The following BCAR3 variants were observed in gnomAD, a reference collection of about 807,000 sequenced individuals.
BCAR3 encodes the protein BCAR3 adaptor protein, NSP family member, also known as breast cancer anti-estrogen resistance protein 3.
Under a neutral mutation model 80.1 loss-of-function variants are expected in BCAR3, and 37 were observed. The observed-to-expected ratio is 0.46, with a 90% CI of 0.36 to 0.61. The LOEUF (loss-of-function observed/expected upper bound fraction) is 0.61, where lower values mean the gene tolerates loss of function less well. Ranked by LOEUF, BCAR3 falls within the 20% of genes least tolerant of loss-of-function variation. The pLI, the probability that BCAR3 is intolerant of heterozygous loss-of-function variation, is 0.00. For missense variants in BCAR3, 978 were observed against 1,068.2 expected (o/e 0.92, Z 1.18); for synonymous variants, 389 against 418.9 (o/e 0.93, Z 0.87).
Position 93,587,601 on chromosome 1 carries a change from C to T in BCAR3, c.929+1376G>A, listed in dbSNP as rs113382084. 8.9e-4 allele frequency among the ~76,000 whole-genome samples: 135 copies of T among 152,088 alleles called. 1 individual carries two copies. Among genetic ancestry groups the T allele is most frequent in the African/African-American group, 3.2e-3 (131 of 41,440 alleles). On this transcript the variant is annotated intron_variant, in intron 5 of 11. Coordinates refer to ENST00000260502, the MANE Select transcript of BCAR3 (RefSeq NM_003567.4). The stretch of plus-strand genomic sequence containing the variant: ...TGTGCCGGAGCCTCCAGGCAGCACA[C>T]AGCTGTCATTTACATTCCACACAGA...
chr1:93,567,508 A>G lies in BCAR3; in HGVS notation c.2087-17T>C, dbSNP rs112140253. ...ATGTGGACTCTGAAGAATAAGGAGT[A>G]GAGTTTTCCATATCACATGTTTTCC... On this transcript the variant is annotated splice_polypyrimidine_tract_variant and intron_variant, in intron 10 of 11. Transcript: ENST00000260502. 361 of 1,610,764 alleles carry G rather than the reference A, an allele frequency of 2.2e-4. No homozygotes were observed. The African/African-American group carries it at 4.4e-3, about 20-fold the overall frequency.
At chr1:93,649,663 T>TA (rs1053719353) in intron 2 of BCAR3, among the ~76,000 whole-genome samples, 1 of 151,586 alleles carries the variant, frequency 6.6e-6, no homozygotes, top group Admixed American at 6.6e-5. Context: ...GTTCAGCACC[T>TA]AAAAAAAAGA....
chr1:93,562,498 G>C, intron 11 of BCAR3, 79 bp from the exon 12 acceptor site: 1 of 1,387,932 alleles, frequency 7.2e-7, no homozygotes, highest in Admixed American at 2.0e-5. Context: ...CACCAGGCGC[G>C]GTGGCTCACG....
chr1:93,811,766 C>A (rs1195921184), intron 2 of BCAR3, among the ~76,000 whole-genome samples: 1 of 152,206 alleles, frequency 6.6e-6, no homozygotes, highest in African/African-American at 2.4e-5. Context: ...GTGGCTCCAA[C>A]CATTTCCTGT....
intron 3 of BCAR3, among the ~76,000 whole-genome samples, chr1:93,697,762 T>C (rs1424183589): frequency 6.6e-6 from 1 of 152,086 alleles, no homozygotes; most frequent in Non-Finnish European, 1.5e-5. Flanking sequence ...ACGGATCACC[T>C]GGGGTCAGGA....
At chr1:93,838,711 C>A (rs529517273) in intron 2 of BCAR3, among the ~76,000 whole-genome samples, 8 of 152,164 alleles carry the variant, frequency 5.3e-5, no homozygotes, top group African/African-American at 7.2e-5. Context: ...ATTACACTGT[C>A]AGGGATCCAG....
intron 2 of BCAR3, among the ~76,000 whole-genome samples, chr1:93,644,099 A>T (rs1036899450): frequency 3.3e-5 from 5 of 152,178 alleles, no homozygotes; most frequent in Non-Finnish European, 4.4e-5. Context: ...ACCCCAAAAC[A>T]TGTTTCTTTG....
intron 2 of BCAR3, among the ~76,000 whole-genome samples, chr1:93,799,153 G>T (rs1034366100): frequency 1.3e-5 from 2 of 152,216 alleles, no homozygotes; most frequent in Admixed American, 1.3e-4. Flanking sequence ...CAAGGGGGCA[G>T]CCCGTGAGCT....
At chr1:93,639,251 A>T (rs1675902856) in intron 3 of BCAR3, among the ~76,000 whole-genome samples, 1 of 152,114 alleles carries the variant, frequency 6.6e-6, no homozygotes, top group Non-Finnish European at 1.5e-5. Flanking sequence ...GAGGACACAC[A>T]TACAAACTGC....
At chr1:93,689,764 T>C (rs1009087213) in intron 3 of BCAR3, among the ~76,000 whole-genome samples, 1 of 152,032 alleles carries the variant, frequency 6.6e-6, no homozygotes, top group Non-Finnish European at 1.5e-5. Context: ...GGGTGGGTGG[T>C]GATGATGAGC....
chr1:93,814,682 T>C (rs1653957144), intron 2 of BCAR3, among the ~76,000 whole-genome samples: 1 of 152,216 alleles, frequency 6.6e-6, no homozygotes. Flanking sequence ...TACCAGCTGT[T>C]ACACCGGCAT....
rs747382431 is a variant in BCAR3 at position 93,567,785 on chromosome 1, C to A, written c.2041G>T (p.Glu681Ter). The A allele has an allele frequency of 6.2e-7, 1 of 1,614,148 alleles. No homozygotes were observed. The highest frequency in any genetic ancestry group is 1.3e-5 in the African/African-American group (1 of 74,948). ...TTGCTGAAGGGCTTCAGCTGTTTCT[C>A]ATAGAGAATGGCAGTTTGGGTGTAC... Reference protein sequence around the residue: ...HQYTQTAILYEKQLKPFSKLL... With the variant: ...HQYTQTAILY The change falls in exon 10 of 12, where the codon GAG (glutamate) becomes TAG (stop). Residue 681 changes from glutamate to a stop codon, truncating the protein, a stop_gained. Transcript: ENST00000260502. LOFTEE classifies it high-confidence loss of function.
chr1:93,731,233 T>C lies in BCAR3; in HGVS notation c.-62-25091A>G, dbSNP rs375851452. 2.6e-4 allele frequency among the ~76,000 whole-genome samples: 39 copies of C among 152,262 alleles called. 3 individuals carry two copies. Among genetic ancestry groups the C allele is most frequent in the Admixed American group, 1.2e-3 (19 of 15,302 alleles). On this transcript the variant is annotated intron_variant, in intron 2 of 13. Transcript: ENST00000370244. ...TGGGATTCTGGAACAGTAAAGGACATGGGGAGAAAACTAGTGAAATCCAAA... is the reference window on the plus strand; with the variant it reads ...TGGGATTCTGGAACAGTAAAGGACACGGGGAGAAAACTAGTGAAATCCAAA...
intron 3 of BCAR3, among the ~76,000 whole-genome samples, chr1:93,699,779 A>C (rs1384960717): frequency 3.3e-5 from 5 of 152,174 alleles, no homozygotes; most frequent in African/African-American, 1.2e-4. Context: ...ATAGCCAAGC[A>C]CTGTTCCAGA....
At position 93,614,127 on chromosome 1, in the gene BCAR3, C is replaced by T. The variant is rs569393977; in HGVS notation, c.358-21734G>A. 1.7e-5 allele frequency: 24 copies of T among 1,374,028 alleles called. 1 individual carries two copies. The East Asian group carries it at 2.2e-4, about 12-fold the overall frequency. The allele number at this position is 1,374,028 out of a possible 1,614,324, so 85.1% of individuals were successfully genotyped here. A position where few individuals can be genotyped will look rare whatever the true frequency, so the allele number is the denominator to read the frequency against. On this transcript the variant is annotated intron_variant, in intron 3 of 11. Coordinates refer to ENST00000260502, the MANE Select transcript of BCAR3 (RefSeq NM_003567.4). Reference sequence around the variant, plus strand: ...CTTTTCCCCTCTGCTGAAGCCAATACGATCCACTCGCTCAATTCTCGCAGG... The same window carrying T: ...CTTTTCCCCTCTGCTGAAGCCAATATGATCCACTCGCTCAATTCTCGCAGG...
At chr1:93,703,318 G>A (rs1357344700) in intron 3 of BCAR3, among the ~76,000 whole-genome samples, 1 of 152,214 alleles carries the variant, frequency 6.6e-6, no homozygotes, top group Non-Finnish European at 1.5e-5. Context: ...GCTCACACCT[G>A]TAATCCCAGT....
rs571733189 is a variant in BCAR3 at position 93,627,479 on chromosome 1, C to T, written c.357+14825G>A. On this transcript the variant is annotated intron_variant, in intron 3 of 11. Coordinates refer to ENST00000260502, the MANE Select transcript of BCAR3 (RefSeq NM_003567.4). ...TCCCTTTCTGAACTGCATACCTGTGCAGGGCCACATTATTTGAGACTTCAA... is the reference window on the plus strand; with the variant it reads ...TCCCTTTCTGAACTGCATACCTGTGTAGGGCCACATTATTTGAGACTTCAA... 2.3e-3 allele frequency among the ~76,000 whole-genome samples: 351 copies of T among 152,302 alleles called. 2 individuals are homozygous for T. Among genetic ancestry groups the T allele is most frequent in the Non-Finnish European group, 2.5e-3 (172 of 68,022 alleles).
intron 3 of BCAR3, among the ~76,000 whole-genome samples, chr1:93,614,550 C>G (rs1192003936): frequency 4.6e-5 from 7 of 152,150 alleles, no homozygotes; most frequent in Admixed American, 4.6e-4. Flanking sequence ...CTCTCCCAAG[C>G]CCACCTCCAG....
chr1:93,738,979 C>T (rs1026812785), intron 2 of BCAR3, among the ~76,000 whole-genome samples: 5 of 152,090 alleles, frequency 3.3e-5, no homozygotes, highest in Non-Finnish European at 7.4e-5. Flanking sequence ...GATATGTTTT[C>T]CTGACCCCAC....
Sources: allele counts gnomAD v4.1 joint callset (sites outside exome capture counted in the v4.1 genomes callset), GRCh38; gene constraint gnomAD v4.1.1; transcripts MANE v1.5; gene names NCBI Gene and HGNC (gene_info 2026-07-23, HGNC 2026-07-21).